The following HCK variants were observed in gnomAD, a reference collection of about 807,000 sequenced individuals.
HCK encodes the protein HCK proto-oncogene, Src family tyrosine kinase, also known as tyrosine-protein kinase HCK.
Under a neutral mutation model 70.4 loss-of-function variants are expected in HCK, and 40 were observed. The observed-to-expected ratio is 0.57, with a 90% CI of 0.44 to 0.74. The LOEUF is 0.74. Among genes scored for constraint, HCK ranks in the 30% least tolerant of loss-of-function variants. HCK has a pLI of 0.00. For synonymous variants in HCK, 245 were observed against 263.2 expected, an observed-to-expected ratio of 0.93 and a Z score of 0.67; for missense variants, 568 against 697.2, an observed-to-expected ratio of 0.81 and a Z score of 2.09.
intron 5 of HCK, among the ~76,000 whole-genome samples, chr20:32,076,785 G>C (rs182978462): frequency 5.9e-5 from 9 of 152,110 alleles, no homozygotes; most frequent in African/African-American, 2.2e-4. Flanking sequence ...GGGAACCACT[G>C]ATCTAAATAC....
intron 1 of HCK, among the ~76,000 whole-genome samples, chr20:32,063,732 A>G (rs868704304): frequency 3.9e-5 from 6 of 152,048 alleles, no homozygotes; most frequent in South Asian, 4.2e-4. Context: ...ACAATCCCTT[A>G]TAAGAATTCC....
intron 1 of HCK, among the ~76,000 whole-genome samples, chr20:32,065,838 C>T (rs2045448115): frequency 6.6e-6 from 1 of 152,186 alleles, no homozygotes; most frequent in Non-Finnish European, 1.5e-5. Context: ...AAAGCTGGTT[C>T]TCCAAAGGAA....
At chr20:32,085,856 G>C (rs1392048244) in intron 8 of HCK, among the ~76,000 whole-genome samples, 1 of 152,194 alleles carries the variant, frequency 6.6e-6, no homozygotes, top group Non-Finnish European at 1.5e-5. Context: ...GAGTTTAGTG[G>C]CTGATGAGGC....
In HCK at chr20:32,079,863, G is replaced by A; in HGVS notation, c.518G>A (p.Ser173Asn). 1 of 1,613,092 alleles carries A rather than the reference G, an allele frequency of 6.2e-7. No individual in the cohort carries two copies. Among genetic ancestry groups the A allele is most frequent in the Non-Finnish European group, 8.5e-7 (1 of 1,179,072 alleles). ...CTGGGCTCCTTCATGATCCGGGATA[G>A]CGAGACCACTAAAGGTGACACCAGC... Residue 173 changes from serine to asparagine, a missense_variant, in exon 6 of 13, where the codon AGC becomes AAC. Transcript: ENST00000375852.
At chr20:32,094,770 A>G in intron 11 of HCK, among the ~76,000 whole-genome samples, 1 of 130,460 alleles carries the variant, frequency 7.7e-6, no homozygotes, top group Non-Finnish European at 1.7e-5. Flanking sequence ...AGAAGGAAAG[A>G]AAGAAAGAGA....
intron 6 of HCK, among the ~76,000 whole-genome samples, chr20:32,081,154 C>G (rs567584856): frequency 2.0e-5 from 3 of 152,264 alleles, no homozygotes; most frequent in African/African-American, 7.2e-5. Context: ...CTCCTTTCCT[C>G]CCTCCATAAG....
chr20:32,062,115 T>C (rs1402656688), intron 1 of HCK, among the ~76,000 whole-genome samples: 1 of 151,974 alleles, frequency 6.6e-6, no homozygotes, highest in East Asian at 1.9e-4. Flanking sequence ...AATTTTTGTA[T>C]TTTTAGTAGA....
In HCK at chr20:32,087,381, G is replaced by A. The variant is rs78943459; in HGVS notation, c.1015+574G>A. Among the ~76,000 whole-genome samples the A allele has an allele frequency of 9.4e-3, 1,426 of 152,200 alleles. 26 individuals carry two copies. The highest frequency in any genetic ancestry group is 0.033 in the African/African-American group (1,361 of 41,512). On this transcript the variant is annotated intron_variant, in intron 9 of 12. Coordinates refer to ENST00000375852, the MANE Select transcript of HCK (RefSeq NM_002110.5). ...TGCAGAGGTGCAATCATAACTCCTG[G>A]GCTCAAGTGATCCTCCCACCCCAGC...
At chr20:32,090,683 T>C (rs751055530) in intron 10 of HCK, among the ~76,000 whole-genome samples, 2 of 152,146 alleles carry the variant, frequency 1.3e-5, no homozygotes, top group Non-Finnish European at 2.9e-5. Context: ...CCCAACCTCA[T>C]GGCACCCTAT....
chr20:32,067,258 T>C (rs930690587), intron 1 of HCK, among the ~76,000 whole-genome samples: 1 of 152,178 alleles, frequency 6.6e-6, no homozygotes, highest in African/African-American at 2.4e-5. Flanking sequence ...TCCATCCTAA[T>C]CATTTGCAAG....
intron 7 of HCK, 119 bp from the exon 8 acceptor site, chr20:32,084,272 G>T (rs2045750621): frequency 8.1e-7 from 1 of 1,235,518 alleles, no homozygotes; most frequent in African/African-American, 1.5e-5. Flanking sequence ...TGTCTCTGAT[G>T]GTGGCAACCA....
intron 5 of HCK, among the ~76,000 whole-genome samples, chr20:32,077,511 C>CTGTTT (rs66527980): frequency 1.2e-3 from 182 of 150,926 alleles, no homozygotes; most frequent in Middle Eastern, 3.4e-3. Flanking sequence ...CACCTTGTTC[C>CTGTTT]TGTTTTGTTT....
At chr20:32,086,922 C>T in intron 9 of HCK, 115 bp downstream of exon 9, 3 of 906,484 alleles carry the variant, frequency 3.3e-6, no homozygotes, top group Non-Finnish European at 4.9e-6. Flanking sequence ...TGGCCAGGAG[C>T]TCTTCCAACA....
intron 1 of HCK, among the ~76,000 whole-genome samples, chr20:32,055,216 G>A (rs1481592445): frequency 6.6e-6 from 1 of 152,140 alleles, no homozygotes; most frequent in Admixed American, 6.5e-5. Flanking sequence ...AGGGTCACCA[G>A]GGACTCTGGG....
intron 12 of HCK, among the ~76,000 whole-genome samples, chr20:32,100,797 G>A (rs1042290132): frequency 6.6e-6 from 1 of 152,174 alleles, no homozygotes; most frequent in Admixed American, 6.5e-5. Flanking sequence ...TCAAAACCAG[G>A]CAACACACAA....
rs539628446 is a variant in HCK at position 32,066,525 on chromosome 20, C to T, written c.63-5137C>T. On this transcript the variant is annotated intron_variant, in intron 1 of 12. Coordinates refer to ENST00000375852, the MANE Select transcript of HCK (RefSeq NM_002110.5). ...TCAGGGTTTCATCATATTGGCCAGG[C>T]TTGTCTCGAACTCCTGACCTCAAGT... Among the ~76,000 whole-genome samples, 8 of 151,912 alleles carry T rather than the reference C, an allele frequency of 5.3e-5. No individual in the cohort carries two copies. In the South Asian group the frequency reaches 1.5e-3, roughly 28 times the overall value.
Position 32,073,835 on chromosome 20 carries a change from C to A in HCK, c.329+17C>A. On this transcript the variant is annotated intron_variant, in intron 4 of 12. Transcript: ENST00000375852. ...CCTAGAGGAGTGAGTCCCCATCCCA[C>A]TCCCCCTAAGACAGACCTGCCTCCT... is the stretch of plus-strand genomic sequence containing the variant. The A allele has an allele frequency of 1.0e-5, 15 of 1,473,166 alleles. No individual in the cohort carries two copies. The highest frequency in any genetic ancestry group is 1.4e-5 in the Non-Finnish European group (15 of 1,075,110). 91.3% of individuals were successfully genotyped at this position (1,473,166 alleles called of 1,614,324 possible). A position where few individuals can be genotyped will look rare whatever the true frequency, so the allele number is the denominator to read the frequency against.
At chr20:32,072,103 G>A (rs890331750) in intron 2 of HCK, 1 of 326,334 alleles carries the variant, frequency 3.1e-6, no homozygotes, top group African/African-American at 2.1e-5. Context: ...GAACAGTAAT[G>A]ATAGCAGCTG....
At chr20:32,082,012 C>T (rs2045715053) in intron 6 of HCK, among the ~76,000 whole-genome samples, 1 of 152,164 alleles carries the variant, frequency 6.6e-6, no homozygotes, top group Non-Finnish European at 1.5e-5. Flanking sequence ...CATCCAGCAG[C>T]AACCAAGCCA....
Sources: allele counts gnomAD v4.1 joint callset (sites outside exome capture counted in the v4.1 genomes callset), GRCh38; gene constraint gnomAD v4.1.1; transcripts MANE v1.5; gene names NCBI Gene and HGNC (gene_info 2026-07-23, HGNC 2026-07-21).